Variants in MACROD1 observed in about 807,000 individuals in gnomAD.
MACROD1 encodes mono-ADP ribosylhydrolase 1.
A neutral mutation model predicts 41.4 loss-of-function variants in MACROD1; 31 were observed. The observed-to-expected ratio is 0.75, with a 90% CI of 0.56 to 1.01. The LOEUF is 1.01. Among genes scored for constraint, MACROD1 ranks in the 50% least tolerant of loss-of-function variants. The pLI is 0.00. For synonymous variants in MACROD1, 252 were observed against 203.4 expected (o/e 1.24, Z -2.03); for missense variants, 473 against 460.0 (o/e 1.03, Z -0.26).
intron 3 of MACROD1, among the ~76,000 whole-genome samples, chr11:64,094,471 T>C (rs2134534933): frequency 6.6e-6 from 1 of 150,694 alleles, no homozygotes; most frequent in South Asian, 2.1e-4. Context: ...TTAAGCAGGC[T>C]GGGGACAAGG....
At chr11:64,068,266 G>T (rs1321792564) in intron 3 of MACROD1, among the ~76,000 whole-genome samples, 1 of 152,214 alleles carries the variant, frequency 6.6e-6, no homozygotes, top group African/African-American at 2.4e-5. Context: ...AGGCATTGGG[G>T]AGCTGGTGGC....
chr11:64,011,086 TG>T (rs34762057), intron 4 of MACROD1, among the ~76,000 whole-genome samples: 2 of 148,570 alleles, frequency 1.3e-5, no homozygotes, highest in African/African-American at 5.0e-5. Context: ...AAGTGTTGGC[TG>T]GGGTGTTGGT....
chr11:64,038,324 C>T (rs904883664), intron 3 of MACROD1, among the ~76,000 whole-genome samples: 9 of 152,206 alleles, frequency 5.9e-5, no homozygotes, highest in Non-Finnish European at 1.0e-4. Context: ...TCCTTGCCTG[C>T]GCAGGGGTTT....
rs1033373402 is a variant in MACROD1, at chr11:64,148,788, T to C, written c.517+2451A>G. The C allele has an allele frequency of 6.1e-6, 6 of 985,570 alleles. No homozygotes were observed. In the African/African-American group the frequency reaches 8.7e-5, roughly 14 times the overall value. 61.1% of individuals were successfully genotyped at this position (985,570 alleles called of 1,614,324 possible). ...TATTCCACTAATAAACAGGCTGATA[T>C]ATGGGCTCCTGGGAACTGCAATCTC... On this transcript the variant is annotated intron_variant, in intron 3 of 10. Transcript: ENST00000255681.
chr11:64,027,272 C>T (rs1452884860), intron 3 of MACROD1, among the ~76,000 whole-genome samples: 1 of 152,120 alleles, frequency 6.6e-6, no homozygotes, highest in African/African-American at 2.4e-5. Context: ...GGTGTCATGG[C>T]GGGTGCTGGA....
intron 3 of MACROD1, among the ~76,000 whole-genome samples, chr11:64,034,720 TG>T (rs1943342078): frequency 6.6e-6 from 1 of 152,126 alleles, no homozygotes; most frequent in Non-Finnish European, 1.5e-5. Flanking sequence ...CAGGCCTCGA[TG>T]GACAGCAAAG....
At chr11:64,095,781 G>C (rs1040901960) in intron 3 of MACROD1, among the ~76,000 whole-genome samples, 1 of 152,248 alleles carries the variant, frequency 6.6e-6, no homozygotes, top group Non-Finnish European at 1.5e-5. Flanking sequence ...CTTGAAGGAA[G>C]TGAGCAGGGG....
chr11:64,115,727 G>A lies in MACROD1; in HGVS notation c.517+35512C>T, dbSNP rs577952586. 5.9e-5 allele frequency among the ~76,000 whole-genome samples: 9 copies of A among 152,304 alleles called. No individual in the cohort carries two copies. In the South Asian group the frequency reaches 6.2e-4, roughly 11 times the overall value. On this transcript the variant is annotated intron_variant, in intron 3 of 10. Transcript: ENST00000255681. ...AGCTTTCCTTTCGAATCCTGGGTCC[G>A]AGCCAGACAGCAATGCGTGCTCCTC...
chr11:64,098,345 C>A (rs1030582953), intron 3 of MACROD1, among the ~76,000 whole-genome samples: 5 of 152,154 alleles, frequency 3.3e-5, no homozygotes, highest in African/African-American at 1.2e-4. Context: ...CTCACTATAC[C>A]AAGCCCTCCC....
rs1012399273 is a variant in MACROD1, at chr11:64,111,806, T to A, written c.517+39433A>T. ...GGCCAGTGTCCTTCCCAGTCCCCAA[T>A]GTAATGAAAGGTGAGGTGGTCAGAT... On this transcript the variant is annotated intron_variant, in intron 3 of 10. Coordinates refer to ENST00000255681, the MANE Select transcript of MACROD1 (RefSeq NM_014067.4). Among the ~76,000 whole-genome samples, 3 of 152,226 alleles carry A rather than the reference T, an allele frequency of 2.0e-5. No homozygotes were observed. In the South Asian group the frequency reaches 6.2e-4, roughly 32 times the overall value.
chr11:64,008,399 G>GAC (rs1942949601), intron 4 of MACROD1, among the ~76,000 whole-genome samples: 1 of 416 alleles, frequency 2.4e-3, no homozygotes, highest in African/African-American at 9.3e-3. Flanking sequence ...GGGGCCTGGG[G>GAC]AGAGGCGCCC....
At chr11:64,116,306 G>A (rs575714111) in intron 3 of MACROD1, 18 of 1,606,186 alleles carry the variant, frequency 1.1e-5, no homozygotes, top group Middle Eastern at 3.3e-4. Context: ...CCACCACCAC[G>A]CCCACTGCCA....
chr11:64,057,127 A>G (rs372810804), intron 3 of MACROD1, among the ~76,000 whole-genome samples: 8 of 152,282 alleles, frequency 5.3e-5, no homozygotes, highest in African/African-American at 1.9e-4. Context: ...CGGCTCCCTA[A>G]GTGCTTGCTG....
Position 64,036,674 on chromosome 11 carries a change from A to AG in MACROD1, c.518-21394dup, listed in dbSNP as rs1374391295. Among the ~76,000 whole-genome samples the AG allele has an allele frequency of 5.9e-5, 9 of 152,154 alleles. No homozygotes were observed. In the East Asian group the frequency reaches 1.2e-3, roughly 20 times the overall value. ...AGGTTTTATTTTTAAAACGACTTCA[A>AG]GGGGGGCATGAGCAGCCTCCAACTT... On this transcript the variant is annotated intron_variant, in intron 3 of 10. Coordinates refer to ENST00000255681, the MANE Select transcript of MACROD1 (RefSeq NM_014067.4). This position sits in a 1 kb window ranked among gnomAD's most constrained non-coding sequence, Gnocchi z 5.6.
At chr11:64,030,093 G>A (rs1039085944) in intron 3 of MACROD1, among the ~76,000 whole-genome samples, 4 of 151,998 alleles carry the variant, frequency 2.6e-5, no homozygotes, top group Admixed American at 6.6e-5. Context: ...CCAGGCCTGC[G>A]TTCCCACCCT....
chr11:64,063,004 C>A (rs1227874203), intron 3 of MACROD1, among the ~76,000 whole-genome samples: 1 of 152,374 alleles, frequency 6.6e-6, no homozygotes, highest in Non-Finnish European at 1.5e-5. Context: ...CCCGGCCCAT[C>A]TTCCGAGCTG....
chr11:64,019,767 T>A (rs1590805745), intron 3 of MACROD1, among the ~76,000 whole-genome samples: 1 of 151,882 alleles, frequency 6.6e-6, no homozygotes, highest in Non-Finnish European at 1.5e-5. Flanking sequence ...GCCCCGGGCG[T>A]GCTAAATGCT....
At chr11:64,106,948 C>A (rs1332324547) in intron 3 of MACROD1, among the ~76,000 whole-genome samples, 1 of 152,104 alleles carries the variant, frequency 6.6e-6, no homozygotes, top group Non-Finnish European at 1.5e-5. Flanking sequence ...GTGGCACGAT[C>A]TCTCGGCTCA....
chr11:64,021,249 C>T (rs1375560585), intron 3 of MACROD1, among the ~76,000 whole-genome samples: 1 of 152,226 alleles, frequency 6.6e-6, no homozygotes, highest in African/African-American at 2.4e-5. Flanking sequence ...GGGGAGCCCA[C>T]CCTGGGGCCC....
Sources: gnomAD v4.1 joint callset for allele counts (sites outside exome capture counted in the v4.1 genomes callset) on GRCh38, gnomAD v4.1.1 for gene constraint, Gnocchi (gnomAD v3.1) non-coding constraint, MANE v1.5 for transcripts, NCBI Gene and HGNC (gene_info 2026-07-23, HGNC 2026-07-21) for gene names.